The following AFAP1L2 variants were observed in gnomAD, a reference collection of about 807,000 sequenced individuals.
AFAP1L2 encodes actin filament-associated protein 1-like 2.
Under a neutral mutation model 99.3 loss-of-function variants are expected in AFAP1L2, and 46 were observed. The ratio of observed to expected loss-of-function variants is 0.46; its 90% confidence interval spans 0.37 to 0.59. The LOEUF (loss-of-function observed/expected upper bound fraction) is 0.59, where lower values mean the gene tolerates loss of function less well. AFAP1L2 is among the 20% of genes least tolerant of loss of function. The pLI is 0.00. For synonymous variants in AFAP1L2, 397 were observed against 419.1 expected, an observed-to-expected ratio of 0.95 and a Z score of 0.64; for missense variants, 959 against 1,034.9, an observed-to-expected ratio of 0.93 and a Z score of 1.01.
chr10:114,306,381 G>GAGGGGACGCGGGGGCAGGAGGGGAA (rs1187776556), intron 10 of AFAP1L2, among the ~76,000 whole-genome samples: 1 of 150,422 alleles, frequency 6.6e-6, no homozygotes, highest in Non-Finnish European at 1.5e-5. Flanking sequence ...AGGAGGGCAT[G>GAGGGGACGCGGGGGCAGGAGGGGAA]GGTGTCTAGG....
chr10:114,321,216 G>A (rs1404794217), intron 5 of AFAP1L2, among the ~76,000 whole-genome samples: 4 of 152,238 alleles, frequency 2.6e-5, no homozygotes, highest in South Asian at 4.1e-4. Flanking sequence ...TTCGAGTGGT[G>A]TACACTGTAC....
chr10:114,342,278 G>A (rs1418816843), intron 1 of AFAP1L2, among the ~76,000 whole-genome samples: 2 of 151,348 alleles, frequency 1.3e-5, no homozygotes, highest in East Asian at 3.9e-4. Context: ...GAGGTGGGGA[G>A]CCCTCTCCTC....
At chr10:114,319,890 T>C (rs1054618774) in intron 5 of AFAP1L2, among the ~76,000 whole-genome samples, 38 of 152,182 alleles carry the variant, frequency 2.5e-4, no homozygotes, top group Admixed American at 3.3e-4. Flanking sequence ...TGACTACTTG[T>C]CACCAAGGGA....
At chr10:114,402,765 C>T (rs1292114659) in intron 1 of AFAP1L2, among the ~76,000 whole-genome samples, 1 of 152,074 alleles carries the variant, frequency 6.6e-6, no homozygotes, top group Non-Finnish European at 1.5e-5. Flanking sequence ...TTTGAAAGAC[C>T]CCAAATGTGA....
intron 5 of AFAP1L2, among the ~76,000 whole-genome samples, chr10:114,321,600 G>T (rs944623818): frequency 3.3e-5 from 5 of 152,082 alleles, no homozygotes; most frequent in Admixed American, 3.3e-4. Flanking sequence ...CCAGCCCCAG[G>T]GGCCCTAGCC....
At chr10:114,306,089 A>G (rs1270834567) in intron 10 of AFAP1L2, among the ~76,000 whole-genome samples, 19 of 42,718 alleles carry the variant, frequency 4.4e-4, no homozygotes, top group South Asian at 1.5e-3. Flanking sequence ...CTGCAGAAGG[A>G]GATGCAGATG....
At chr10:114,294,813 C>T (rs1201912104), downstream of AFAP1L2, 7 of 982,712 alleles carry the variant, frequency 7.1e-6, no homozygotes, top group East Asian at 8.0e-4. Flanking sequence ...ATTTCATGAA[C>T]TGAGGAAAAC....
In AFAP1L2 at chr10:114,299,193, C is replaced by T. The variant is rs144857906; in HGVS notation, c.2113+67G>A. ...GAAGGTGTGGTGACAGCCAGATCTTCCGCCAAAAAGTTAAGCCTACACGGC... is the reference window on the plus strand; with the variant it reads ...GAAGGTGTGGTGACAGCCAGATCTTTCGCCAAAAAGTTAAGCCTACACGGC... On this transcript the variant is annotated intron_variant, in intron 16 of 18. Transcript: ENST00000304129. 4.6e-5 allele frequency: 73 copies of T among 1,583,612 alleles called. No individual in the cohort carries two copies. The African/African-American group carries it at 8.5e-4, about 18-fold the overall frequency.
chr10:114,297,367 G>A lies in AFAP1L2; in HGVS notation c.2160C>T (p.Asp720=), dbSNP rs377139417. The A allele has an allele frequency of 2.7e-5, 44 of 1,613,508 alleles. No individual in the cohort carries two copies. The highest frequency in any genetic ancestry group is 5.5e-5 in the South Asian group (5 of 91,062). The change falls in exon 17 of 19, where the codon GAC becomes GAT. Residue 720 remains aspartate, a synonymous_variant. Transcript: ENST00000304129. The part of the protein sequence containing the change: ...ASLEQKLKEI[D]EECRGEESRR... The stretch of plus-strand genomic sequence containing the variant: ...TGCTCTCCTCGCCCCGGCACTCCTC[G>A]TCAATTTCCTTCAGCTTCTGCTCCA...
intron 1 of AFAP1L2, among the ~76,000 whole-genome samples, chr10:114,360,782 C>G (rs1286161132): frequency 6.6e-6 from 1 of 152,140 alleles, no homozygotes; most frequent in Non-Finnish European, 1.5e-5. Context: ...CAAATTTATT[C>G]CAATGAACAT....
At chr10:114,293,181 T>G (rs1190550181), downstream of AFAP1L2, among the ~76,000 whole-genome samples, 1 of 152,254 alleles carries the variant, frequency 6.6e-6, no homozygotes, top group Non-Finnish European at 1.5e-5. Context: ...TCATCTATAT[T>G]CAAGGGATAC....
Position 114,332,022 on chromosome 10 carries a change from G to A in AFAP1L2, c.221-125C>T, listed in dbSNP as rs529453324. 4 of 560,588 alleles carry A rather than the reference G, an allele frequency of 7.1e-6. No homozygotes were observed. In the Admixed American group the frequency reaches 1.8e-4, roughly 25 times the overall value. The allele number at this position is 560,588 out of a possible 1,614,324, so 34.7% of individuals were successfully genotyped here. On this transcript the variant is annotated intron_variant, in intron 3 of 18. Coordinates refer to ENST00000304129, the MANE Select transcript of AFAP1L2 (RefSeq NM_001001936.3). ...TTTTTGAGCAGGTGTTAATTACCCA[G>A]GCAGGCGGTCCCTGGAACCGAAGTT...
chr10:114,299,465 G>A (rs1229786693), intron 15 of AFAP1L2, 50 bp from the exon 16 acceptor site: 10 of 1,606,644 alleles, frequency 6.2e-6, no homozygotes, highest in Middle Eastern at 1.7e-4. Context: ...GGATCATGAG[G>A]GCTGTCCCCA....
At chr10:114,398,807 G>T in intron 1 of AFAP1L2, 2 of 1,302,896 alleles carry the variant, frequency 1.5e-6, no homozygotes, top group Middle Eastern at 2.2e-4. Context: ...AGCCCTGGAG[G>T]CCAGGTGAGC....
intron 6 of AFAP1L2, among the ~76,000 whole-genome samples, chr10:114,315,134 C>A (rs1200754781): frequency 6.6e-6 from 1 of 152,114 alleles, no homozygotes; most frequent in Non-Finnish European, 1.5e-5. Flanking sequence ...GAGCAAGACT[C>A]TGTCTCAAAA....
chr10:114,399,014 G>C, intron 1 of AFAP1L2: 1 of 908,018 alleles, frequency 1.1e-6, no homozygotes, highest in Non-Finnish European at 1.6e-6. Context: ...ATTTCTTTTT[G>C]TGAACCAGGT....
chr10:114,390,737 A>T (rs1397383815), intron 1 of AFAP1L2, among the ~76,000 whole-genome samples: 1 of 151,936 alleles, frequency 6.6e-6, no homozygotes, highest in Non-Finnish European at 1.5e-5. Flanking sequence ...AAAAAAAAAA[A>T]AAAAAAATCC....
intron 1 of AFAP1L2, among the ~76,000 whole-genome samples, chr10:114,345,435 G>A (rs1273009774): frequency 1.3e-5 from 2 of 152,292 alleles, no homozygotes; most frequent in South Asian, 2.1e-4. Context: ...ACTGGCAGTG[G>A]AGGCAGGGAG....
intron 18 of AFAP1L2, 126 bp from the exon 19 acceptor site, chr10:114,296,194 T>C (rs2040197856): frequency 3.7e-6 from 5 of 1,335,030 alleles, no homozygotes; most frequent in South Asian, 2.4e-5. Flanking sequence ...AGGTGATAAA[T>C]GTTTCAAACC....
Sources: gnomAD v4.1 joint callset for allele counts (sites outside exome capture counted in the v4.1 genomes callset) on GRCh38, gnomAD v4.1.1 for gene constraint, MANE v1.5 for transcripts, NCBI Gene and HGNC (gene_info 2026-07-23, HGNC 2026-07-21) for gene names.